The following FGD4 variants were observed in gnomAD, a reference collection of about 807,000 sequenced individuals.
FGD4 encodes the protein FYVE, RhoGEF and PH domain-containing protein 4.
A neutral mutation model predicts 102.0 loss-of-function variants in FGD4; 42 were observed. That is an observed-to-expected ratio of 0.41 (90% CI 0.32 to 0.53). The LOEUF is 0.53. FGD4 is among the 20% of genes least tolerant of loss of function. The pLI, the probability that FGD4 is intolerant of heterozygous loss-of-function variation, is 0.21. For synonymous variants in FGD4, 380 were observed against 375.7 expected, an observed-to-expected ratio of 1.01 and a Z score of -0.13; for missense variants, 902 against 1,078.2, an observed-to-expected ratio of 0.84 and a Z score of 2.29.
At chr12:32,600,584 C>CATT in intron 5 of FGD4, 1 of 255,890 alleles carries the variant, frequency 3.9e-6, no homozygotes, top group Non-Finnish European at 5.4e-6. Flanking sequence ...TTCTTTCTTT[C>CATT]TTTCTTTCTT....
intron 1 of FGD4, among the ~76,000 whole-genome samples, chr12:32,496,698 TCA>T (rs1937841029): frequency 6.6e-6 from 1 of 152,214 alleles, no homozygotes; most frequent in Non-Finnish European, 1.5e-5. Flanking sequence ...TGTAGAGTCT[TCA>T]CTTTCATATA....
At position 32,610,870 on chromosome 12, in the gene FGD4, T is replaced by C. The variant is rs766325855; in HGVS notation, c.1602+36T>C. 5.0e-6 allele frequency: 8 copies of C among 1,592,958 alleles called. No individual in the cohort carries two copies. In the South Asian group the frequency reaches 8.8e-5, roughly 18 times the overall value. On this transcript the variant is annotated intron_variant, in intron 9 of 16. Transcript: ENST00000534526. ...TTCGGAGGAGACAGGAACCTCTGATTAGACAATTATCAATAATACTGCCTC... is the reference window on the plus strand; with the variant it reads ...TTCGGAGGAGACAGGAACCTCTGATCAGACAATTATCAATAATACTGCCTC...
At chr12:32,478,605 A>G (rs1185842681) in intron 1 of FGD4, among the ~76,000 whole-genome samples, 2 of 152,178 alleles carry the variant, frequency 1.3e-5, no homozygotes, top group South Asian at 2.1e-4. Context: ...TTTTTCTTCA[A>G]TATGATTGTG....
At chr12:32,532,759 C>T (rs1941921104) in intron 1 of FGD4, among the ~76,000 whole-genome samples, 2 of 152,098 alleles carry the variant, frequency 1.3e-5, no homozygotes, top group East Asian at 3.8e-4. Flanking sequence ...GATTCTCTGC[C>T]ACAGTGAAAT....
At chr12:32,455,831 A>G (rs1441604172) in intron 1 of FGD4, among the ~76,000 whole-genome samples, 1 of 152,170 alleles carries the variant, frequency 6.6e-6, no homozygotes, top group Admixed American at 6.5e-5. Flanking sequence ...AAGTTATGCT[A>G]TAAATGAATT....
At chr12:32,483,665 A>T (rs759026101) in intron 1 of FGD4, among the ~76,000 whole-genome samples, 4 of 152,188 alleles carry the variant, frequency 2.6e-5, no homozygotes, top group African/African-American at 4.8e-5. Flanking sequence ...TTCCTGCAGT[A>T]CTTTTCTGAG....
In FGD4 at chr12:32,564,162, T is replaced by C; in HGVS notation, c.192T>C (p.Ala64=). 6.5e-7 allele frequency: 1 copy of C among 1,536,088 alleles called. No homozygotes were observed. Among genetic ancestry groups the C allele is most frequent in the Non-Finnish European group, 8.7e-7 (1 of 1,146,882 alleles). ...ATGSSTCPKI[A]LVPPCSTSST... ...GCAGCAGTACCTGTCCAAAGATCGC[T>C]TTAGTTCCACCTTGCTCCACAAGCA... Residue 64 remains alanine (A), a synonymous_variant, in exon 2 of 17, where the codon GCT becomes GCC. Transcript: ENST00000534526.
At chr12:32,455,398 C>T (rs1942921967) in intron 1 of FGD4, among the ~76,000 whole-genome samples, 1 of 151,882 alleles carries the variant, frequency 6.6e-6, no homozygotes, top group Non-Finnish European at 1.5e-5. Context: ...TTTTAAAATA[C>T]CAGGATAATT....
At chr12:32,564,398 T>C in intron 2 of FGD4, 109 bp downstream of exon 2, 699 of 1,017,652 alleles carry the variant, frequency 6.9e-4, no homozygotes, top group Middle Eastern at 1.0e-3. Context: ...AAGGAAGGAA[T>C]TGGGTACATT....
rs1354246700 is a variant in FGD4 at position 32,643,114 on chromosome 12, A to G, written c.*2581A>G. On this transcript the variant is annotated 3_prime_UTR_variant, in exon 17 of 17. Coordinates refer to ENST00000534526, the MANE Select transcript of FGD4 (RefSeq NM_001370298.3). ...AAAGTACTTCCTTGACAAAATTTCT[A>G]TTCATTATAAAACATTTCAATATTT... The G allele has an allele frequency of 2.0e-5, 3 of 152,500 alleles. No homozygotes were observed. The highest frequency in any genetic ancestry group is 2.1e-4 in the South Asian group (1 of 4,826). 9.4% of individuals were successfully genotyped at this position (152,500 alleles called of 1,614,324 possible).
intron 10 of FGD4, among the ~76,000 whole-genome samples, chr12:32,614,811 G>A (rs529241452): frequency 1.6e-4 from 25 of 152,298 alleles, no homozygotes; most frequent in African/African-American, 5.8e-4. Flanking sequence ...GGATTAAATG[G>A]CTGCTATCAT....
At chr12:32,423,636 AG>A (rs1227421607) in intron 1 of FGD4, among the ~76,000 whole-genome samples, 3 of 151,124 alleles carry the variant, frequency 2.0e-5, no homozygotes, top group Admixed American at 2.0e-4. Context: ...AATAAATAAA[AG>A]GCTGGCTACT....
chr12:32,459,971 G>A (rs1457154080), intron 1 of FGD4, among the ~76,000 whole-genome samples: 3 of 152,014 alleles, frequency 2.0e-5, no homozygotes, highest in Non-Finnish European at 4.4e-5. Context: ...CTCCCAAAGT[G>A]TTGGGATTAT....
chr12:32,609,818 G>A (rs572444498), intron 8 of FGD4, among the ~76,000 whole-genome samples: 3 of 152,244 alleles, frequency 2.0e-5, no homozygotes, highest in Admixed American at 6.5e-5. Context: ...TAAGCAGGCC[G>A]GTATTCACAA....
At chr12:32,599,677 A>G (rs1948236218) in intron 5 of FGD4, among the ~76,000 whole-genome samples, 1 of 147,246 alleles carries the variant, frequency 6.8e-6, no homozygotes, top group Non-Finnish European at 1.5e-5. Context: ...CCTCCCGAGT[A>G]GCTGGAATTA....
intron 14 of FGD4, among the ~76,000 whole-genome samples, chr12:32,629,096 G>A (rs1171538460): frequency 6.6e-6 from 1 of 152,186 alleles, no homozygotes; most frequent in Non-Finnish European, 1.5e-5. Context: ...TGTAAGACAG[G>A]ACTGGCAGAA....
At chr12:32,451,861 A>AAAAAAAAAAC in intron 1 of FGD4, among the ~76,000 whole-genome samples, 1 of 150,780 alleles carries the variant, frequency 6.6e-6, no homozygotes, top group Non-Finnish European at 1.5e-5. Context: ...AAAAAAAAAA[A>AAAAAAAAAAC]AAAGTAAGTT....
chr12:32,585,405 G>T (rs1946944180), intron 4 of FGD4, among the ~76,000 whole-genome samples: 1 of 151,812 alleles, frequency 6.6e-6, no homozygotes, highest in African/African-American at 2.4e-5. Flanking sequence ...AAAAAATTCA[G>T]TGTGCCAGTC....
intron 11 of FGD4, among the ~76,000 whole-genome samples, chr12:32,620,566 GGC>G (rs985001139): frequency 9.0e-6 from 1 of 110,950 alleles, no homozygotes; most frequent in Non-Finnish European, 1.7e-5. Flanking sequence ...CGCTCTCATT[GGC>G]CAGACTGGAG....
Sources: gnomAD v4.1 joint callset for allele counts (sites outside exome capture counted in the v4.1 genomes callset) on GRCh38, gnomAD v4.1.1 for gene constraint, MANE v1.5 for transcripts, NCBI Gene and HGNC (gene_info 2026-07-23, HGNC 2026-07-21) for gene names.